CCDC7: variants seen among roughly 807,000 people sequenced by gnomAD.
The protein encoded by CCDC7 is coiled-coil domain containing 7, also known as coiled-coil domain-containing protein 7.
Under a neutral mutation model 196.9 loss-of-function variants are expected in CCDC7, and 183 were observed. That is an observed-to-expected ratio of 0.93 (90% CI 0.82 to 1.05). The LOEUF (loss-of-function observed/expected upper bound fraction) is 1.05, where lower values mean the gene tolerates loss of function less well. Ranked by LOEUF, CCDC7 falls within the 50% of genes least tolerant of loss-of-function variation. The probability of loss-of-function intolerance (pLI) is 0.00; values close to 1 mark genes in which losing one functional copy is unlikely to be tolerated. For missense variants in CCDC7, 1,540 were observed against 1,482.2 expected, an observed-to-expected ratio of 1.04 and a Z score of -0.64; for synonymous variants, 525 against 484.6, an observed-to-expected ratio of 1.08 and a Z score of -1.10.
At chr10:32,593,598 G>T (rs1179599438) in intron 18 of CCDC7, among the ~76,000 whole-genome samples, 1 of 152,242 alleles carries the variant, frequency 6.6e-6, no homozygotes, top group East Asian at 1.9e-4. Flanking sequence ...ATTGCTTTTG[G>T]TGTTTTACAC....
chr10:32,845,937 TACACAAC>T lies in CCDC7; in HGVS notation c.3583_3589del (p.Thr1195Ter). On this transcript the variant is annotated frameshift_variant, in exon 36 of 42. Transcript: ENST00000639629. LOFTEE classifies it high-confidence loss of function. ...GAGGTATAATAATAGGGCCAATCAC[TACACAAC>T]TGAAGAGTCACCGAGGTAAGAGAAA... The T allele has an allele frequency of 6.2e-7, 1 of 1,611,760 alleles. No individual in the cohort carries two copies. Among genetic ancestry groups the T allele is most frequent in the Non-Finnish European group, 8.5e-7 (1 of 1,178,274 alleles).
At chr10:32,756,610 C>T (rs2076495950) in intron 28 of CCDC7, among the ~76,000 whole-genome samples, 1 of 152,162 alleles carries the variant, frequency 6.6e-6, no homozygotes, top group Non-Finnish European at 1.5e-5. Flanking sequence ...AAGCACTAAA[C>T]ATGGAAAGGA....
chr10:32,706,778 T>A (rs555762969), intron 24 of CCDC7, among the ~76,000 whole-genome samples: 132 of 152,272 alleles, frequency 8.7e-4, no homozygotes, highest in Non-Finnish European at 1.4e-3. Flanking sequence ...AGGAAGAAGT[T>A]GAATCCCTGA....
At chr10:32,562,047 C>T (rs538846222) in intron 13 of CCDC7, among the ~76,000 whole-genome samples, 1 of 152,310 alleles carries the variant, frequency 6.6e-6, no homozygotes, top group Non-Finnish European at 1.5e-5. Flanking sequence ...ACTAGAAAAT[C>T]TAGAAGAAAT....
intron 18 of CCDC7, among the ~76,000 whole-genome samples, chr10:32,620,437 T>A (rs1173236769): frequency 6.6e-6 from 1 of 152,062 alleles, no homozygotes; most frequent in Non-Finnish European, 1.5e-5. Flanking sequence ...TTACATAATT[T>A]TAGAGGTATA....
chr10:32,879,448 C>T (rs1336435980), downstream of CCDC7, among the ~76,000 whole-genome samples: 1 of 152,020 alleles, frequency 6.6e-6, no homozygotes, highest in Non-Finnish European at 1.5e-5. Context: ...TGTTCTTAGA[C>T]CTACAGCCTT....
intron 6 of CCDC7, 97 bp from the exon 8 acceptor site, chr10:32,472,384 T>C (rs1174086968): frequency 8.1e-6 from 9 of 1,106,824 alleles, no homozygotes; most frequent in Non-Finnish European, 1.1e-5. Context: ...TCTACAAACT[T>C]CATATGTCTG....
chr10:32,578,531 C>T (rs1238385763), intron 16 of CCDC7, among the ~76,000 whole-genome samples: 1 of 151,204 alleles, frequency 6.6e-6, no homozygotes, highest in Non-Finnish European at 1.5e-5. Context: ...GATCATCAGA[C>T]ATTAGGTTCT....
At chr10:32,793,476 GTC>G (rs754490898) in intron 29 of CCDC7, among the ~76,000 whole-genome samples, 3 of 151,888 alleles carry the variant, frequency 2.0e-5, no homozygotes, top group Non-Finnish European at 2.9e-5. Context: ...CTCCCTTTCT[GTC>G]TCTTAGTCTT....
At chr10:32,823,671 A>G (rs1467052636) in intron 31 of CCDC7, among the ~76,000 whole-genome samples, 2 of 152,250 alleles carry the variant, frequency 1.3e-5, no homozygotes, top group African/African-American at 4.8e-5. Flanking sequence ...TTCAGGTTTA[A>G]TAAACCAGGT....
At chr10:32,651,269 G>A (rs755897979) in intron 20 of CCDC7, among the ~76,000 whole-genome samples, 3 of 152,146 alleles carry the variant, frequency 2.0e-5, no homozygotes, top group Non-Finnish European at 4.4e-5. Flanking sequence ...ACCATTTGGT[G>A]CTGGGAAACA....
chr10:32,549,049 G>C (rs2053014155), intron 13 of CCDC7, among the ~76,000 whole-genome samples: 1 of 152,058 alleles, frequency 6.6e-6, no homozygotes, highest in South Asian at 2.1e-4. Flanking sequence ...AGTGTTCTCT[G>C]ATCACCGCAT....
intron 18 of CCDC7, among the ~76,000 whole-genome samples, chr10:32,633,738 A>ATATG (rs1554928353): frequency 0.13 from 16,847 of 130,128 alleles, 1,387 homozygotes; most frequent in East Asian, 0.22. Flanking sequence ...GTGTATATAT[A>ATATG]TGTGTGTGTG....
intron 32 of CCDC7, among the ~76,000 whole-genome samples, chr10:32,828,747 C>T (rs933556085): frequency 1.3e-5 from 2 of 152,088 alleles, no homozygotes; most frequent in African/African-American, 2.4e-5. Flanking sequence ...GAATCAGCAT[C>T]CAATATATGT....
intron 41 of CCDC7, among the ~76,000 whole-genome samples, chr10:32,875,852 T>G (rs2094582397): frequency 6.6e-6 from 1 of 152,064 alleles, no homozygotes; most frequent in Non-Finnish European, 1.5e-5. Flanking sequence ...CATTTAAAAC[T>G]GACTGATTTT....
In CCDC7 at chr10:32,492,005, T is replaced by G. The variant is rs764890636; in HGVS notation, c.872+8T>G. 1 of 1,524,494 alleles carries G rather than the reference T, an allele frequency of 6.6e-7. No individual in the cohort carries two copies. Among genetic ancestry groups the G allele is most frequent in the Non-Finnish European group, 8.7e-7 (1 of 1,144,012 alleles). 94.4% of individuals were successfully genotyped at this position (1,524,494 alleles called of 1,614,324 possible). A position where few individuals can be genotyped will look rare whatever the true frequency, so the allele number is the denominator to read the frequency against. On this transcript the variant is annotated splice_region_variant and intron_variant, in intron 9 of 41. Transcript: ENST00000639629. ...GGCAAATATGTTGGAGAGGTAAGCT[T>G]TTTTGTTTTTGCATTTTATTATTTT...
Position 32,742,689 on chromosome 10 carries a change from G to A in CCDC7, c.2905+13232G>A, listed in dbSNP as rs186355898. ...TTATTTTCTCACAGTTCTGAAGGTT[G>A]GGAAGTCCAAGATCAATGTGCTGAC... On this transcript the variant is annotated intron_variant, in intron 28 of 41. Coordinates refer to ENST00000639629, the Ensembl canonical transcript of CCDC7. 2.0e-5 allele frequency among the ~76,000 whole-genome samples: 3 copies of A among 152,260 alleles called. No homozygotes were observed. In the East Asian group the frequency reaches 5.8e-4, roughly 29 times the overall value.
At chr10:32,735,480 G>A (rs569648985) in intron 28 of CCDC7, among the ~76,000 whole-genome samples, 2 of 152,084 alleles carry the variant, frequency 1.3e-5, no homozygotes, top group Non-Finnish European at 2.9e-5. Flanking sequence ...CATATATGTT[G>A]AACATCTTTT....
intron 5 of CCDC7, among the ~76,000 whole-genome samples, chr10:32,465,832 C>G (rs9338709): frequency 0.39 from 58,675 of 151,936 alleles, 11,583 homozygotes; most frequent in East Asian, 0.58. Flanking sequence ...AATTTTTACT[C>G]CTAAACTCAT....
Sources: gnomAD v4.1 joint callset for allele counts (sites outside exome capture counted in the v4.1 genomes callset) on GRCh38, gnomAD v4.1.1 for gene constraint, MANE v1.5 for transcripts, NCBI Gene and HGNC (gene_info 2026-07-23, HGNC 2026-07-21) for gene names.